The following RGPD2 variants were observed in gnomAD, a reference collection of about 807,000 sequenced individuals.
The protein encoded by RGPD2 is RANBP2 like and GRIP domain containing 2.
RGPD2 carries 2 observed loss-of-function variants against 36.0 expected under a neutral mutation model. The ratio of observed to expected loss-of-function variants is 0.06; its 90% CI spans 0.02 to 0.17. RGPD2 has a LOEUF of 0.17. RGPD2 is among the 10% of genes least tolerant of loss of function. The probability of loss-of-function intolerance (pLI) is 1.00; values close to 1 mark genes in which losing one functional copy is unlikely to be tolerated. For missense variants in RGPD2, 40 were observed against 464.3 expected, an observed-to-expected ratio of 0.09 and a Z score of 8.40; for synonymous variants, 19 against 163.8, an observed-to-expected ratio of 0.12 and a Z score of 6.75.
At chr2:87,940,423 G>T in the RGPD2 span, among the ~76,000 whole-genome samples, 1 of 150,562 alleles carries the variant, frequency 6.6e-6, no homozygotes, top group Non-Finnish European at 1.5e-5. Flanking sequence ...AAATTTTAAA[G>T]AACTCAGGAA....
At chr2:87,915,216 T>G in the RGPD2 span, among the ~76,000 whole-genome samples, 26 of 150,164 alleles carry the variant, frequency 1.7e-4, no homozygotes, top group African/African-American at 6.1e-4. Flanking sequence ...ACCCTGTTAT[T>G]TTTGCCCTGA....
At chr2:87,846,507 T>C in the RGPD2 span, among the ~76,000 whole-genome samples, 2 of 152,124 alleles carry the variant, frequency 1.3e-5, no homozygotes, top group African/African-American at 4.8e-5. Context: ...TCTATGTTGG[T>C]AAAAAATATC....
At chr2:87,935,467 C>G in the RGPD2 span, among the ~76,000 whole-genome samples, 1 of 144,004 alleles carries the variant, frequency 6.9e-6, no homozygotes, top group East Asian at 2.2e-4. Context: ...AAAATATAAG[C>G]CAAGAAGCTT....
chr2:87,985,638 C>G, the RGPD2 span: 9 of 1,231,816 alleles, frequency 7.3e-6, no homozygotes, highest in Non-Finnish European at 1.1e-5. Flanking sequence ...TATGGTACGC[C>G]TATTATGTAG....
the RGPD2 span, among the ~76,000 whole-genome samples, chr2:87,986,583 T>C: frequency 6.6e-6 from 1 of 151,908 alleles, no homozygotes; most frequent in Non-Finnish European, 1.5e-5. Context: ...GGGTGACAAA[T>C]TAAAAGTCAC....
At chr2:87,856,712 C>T in the RGPD2 span, among the ~76,000 whole-genome samples, 6 of 152,272 alleles carry the variant, frequency 3.9e-5, no homozygotes, top group South Asian at 1.2e-3. Context: ...ACATCACTTC[C>T]CTAAAAATAC....
chr2:87,915,385 G>GTATATATGTATATTATATATATTGTATA, the RGPD2 span, among the ~76,000 whole-genome samples: 3 of 109,088 alleles, frequency 2.8e-5, 1 homozygote, highest in Non-Finnish European at 5.6e-5. Flanking sequence ...TATATATATT[G>GTATATATGTATATTATATATATTGTATA]TATATATATG....
the RGPD2 span, chr2:87,968,808 G>A: frequency 5.7e-6 from 1 of 175,544 alleles, no homozygotes; most frequent in Non-Finnish European, 1.2e-5. Flanking sequence ...AGATCAGCAA[G>A]TGTCTTTCCT....
chr2:87,979,862 C>T, the RGPD2 span, among the ~76,000 whole-genome samples: 2 of 146,900 alleles, frequency 1.4e-5, no homozygotes, highest in African/African-American at 2.5e-5. Context: ...GGCGATAAGG[C>T]GAGACTCCGT....
At chr2:87,890,140 TCC>T in the RGPD2 span, among the ~76,000 whole-genome samples, 1 of 63,416 alleles carries the variant, frequency 1.6e-5, no homozygotes, top group Non-Finnish European at 2.9e-5. Context: ...CTGCCCTTTT[TCC>T]TTATGCCCAT....
chr2:87,939,561 G>GA, the RGPD2 span, among the ~76,000 whole-genome samples: 2 of 151,946 alleles, frequency 1.3e-5, no homozygotes, highest in Non-Finnish European at 2.9e-5. Context: ...TGTTCTACCT[G>GA]AAAGTGTTAG....
chr2:87,939,634 CTCTGAAATGAACCAGATCAGCAA>C, the RGPD2 span, among the ~76,000 whole-genome samples: 68 of 151,984 alleles, frequency 4.5e-4, no homozygotes, highest in Non-Finnish European at 7.7e-4. Flanking sequence ...TGGTGGGTGA[CTCTGAAATGAACCAGATCAGCAA>C]TCTAATATGA....
chr2:87,948,571 G>A, the RGPD2 span, among the ~76,000 whole-genome samples: 1 of 143,712 alleles, frequency 7.0e-6, no homozygotes, highest in Non-Finnish European at 1.5e-5. Flanking sequence ...AGTAGAGACG[G>A]GGTTTCTCCA....
the RGPD2 span, among the ~76,000 whole-genome samples, chr2:87,937,806 A>G: frequency 6.6e-6 from 1 of 151,998 alleles, no homozygotes; most frequent in Non-Finnish European, 1.5e-5. Context: ...AAACTAGGGG[A>G]CTGTGATGTC....
chr2:87,918,634 T>A, the RGPD2 span, among the ~76,000 whole-genome samples: 12 of 152,194 alleles, frequency 7.9e-5, no homozygotes, highest in African/African-American at 2.9e-4. Flanking sequence ...CATGGACACC[T>A]ATACATGATA....
chr2:87,975,713 C>T, the RGPD2 span, among the ~76,000 whole-genome samples: 1 of 152,226 alleles, frequency 6.6e-6, no homozygotes, highest in South Asian at 2.1e-4. Context: ...ATTTACTTGG[C>T]CAAAGTTTTA....
chr2:87,854,894 G>T, the RGPD2 span, among the ~76,000 whole-genome samples: 1 of 152,146 alleles, frequency 6.6e-6, no homozygotes, highest in African/African-American at 2.4e-5. Flanking sequence ...AAAATTGTAC[G>T]TATTCAAGTT....
At chr2:87,985,816 G>A in the RGPD2 span, 15 of 1,611,234 alleles carry the variant, frequency 9.3e-6, no homozygotes, top group Middle Eastern at 2.2e-4. Flanking sequence ...TGATAACTGG[G>A]TCCTACTGGA....
At chr2:87,974,532 C>T in the RGPD2 span, among the ~76,000 whole-genome samples, 1 of 152,158 alleles carries the variant, frequency 6.6e-6, no homozygotes, top group Non-Finnish European at 1.5e-5. Flanking sequence ...AACTTCTGTG[C>T]TCTTCTCCAT....
Sources: gnomAD v4.1 joint callset for allele counts (sites outside exome capture counted in the v4.1 genomes callset) on GRCh38, gnomAD v4.1.1 for gene constraint, MANE v1.5 for transcripts, NCBI Gene and HGNC (gene_info 2026-07-23, HGNC 2026-07-21) for gene names.